Variants in PBX3 observed in about 807,000 individuals in gnomAD.
The protein encoded by PBX3 is pre-B-cell leukemia transcription factor 3.
Under a neutral mutation model 48.5 loss-of-function variants are expected in PBX3, and 14 were observed. The observed-to-expected ratio is 0.29, with a 90% CI of 0.19 to 0.45. The LOEUF is 0.45. Among genes scored for constraint, PBX3 ranks in the 20% least tolerant of loss-of-function variants. PBX3 has a pLI of 1.00. For missense variants in PBX3, 386 were observed against 546.7 expected, an observed-to-expected ratio of 0.71 and a Z score of 2.93; for synonymous variants, 210 against 200.3, an observed-to-expected ratio of 1.05 and a Z score of -0.41.
intron 2 of PBX3, among the ~76,000 whole-genome samples, chr9:125,882,398 A>G (rs945618989): frequency 6.6e-6 from 1 of 152,250 alleles, no homozygotes; most frequent in African/African-American, 2.4e-5. Context: ...ATCTCTCATT[A>G]CTTGAGACGG....
intron 5 of PBX3, among the ~76,000 whole-genome samples, chr9:125,952,551 T>C (rs901690499): frequency 2.6e-5 from 4 of 152,370 alleles, no homozygotes; most frequent in South Asian, 2.1e-4. Context: ...ATGGAGTTTT[T>C]CTTAAATGCA....
chr9:125,868,198 T>C (rs1235668931), intron 2 of PBX3, among the ~76,000 whole-genome samples: 1 of 152,112 alleles, frequency 6.6e-6, no homozygotes, highest in Non-Finnish European at 1.5e-5. Context: ...TTTTACATGC[T>C]TCCTGTGTTC....
chr9:125,900,412 G>T (rs777695495), intron 2 of PBX3, among the ~76,000 whole-genome samples: 14 of 151,574 alleles, frequency 9.2e-5, no homozygotes, highest in Non-Finnish European at 1.6e-4. Flanking sequence ...TGCATCTTTT[G>T]CTTGGGGTCT....
intron 2 of PBX3, among the ~76,000 whole-genome samples, chr9:125,790,888 A>G (rs10819070): frequency 0.02 from 3,052 of 150,310 alleles, 172 homozygotes; most frequent in East Asian, 0.17. Flanking sequence ...TATTACCACC[A>G]TTGTTAACAA....
At chr9:125,947,556 G>A (rs1842092839) in intron 5 of PBX3, among the ~76,000 whole-genome samples, 1 of 151,942 alleles carries the variant, frequency 6.6e-6, no homozygotes, top group Admixed American at 6.6e-5. Flanking sequence ...CAGAGACATA[G>A]AATAATTTTT....
rs758814146 is a variant in PBX3, at chr9:125,935,451, T to C, written c.708-21T>C. The C allele has an allele frequency of 9.9e-6, 16 of 1,611,784 alleles. No homozygotes were observed. The East Asian group carries it at 3.1e-4, about 31-fold the overall frequency. On this transcript the variant is annotated intron_variant, in intron 4 of 8. Transcript: ENST00000373489. ...TAATGCTGATTGTAACTGCAATTAT[T>C]TTCTTTCACTCTTGTCATAGACGGA...
At chr9:125,900,014 AT>A (rs1328972293) in intron 2 of PBX3, among the ~76,000 whole-genome samples, 3 of 151,726 alleles carry the variant, frequency 2.0e-5, no homozygotes, top group African/African-American at 7.3e-5. Flanking sequence ...CTTTTGCTTA[AT>A]GTATTATTCA....
intron 2 of PBX3, among the ~76,000 whole-genome samples, chr9:125,872,234 T>A (rs1003145699): frequency 2.0e-5 from 3 of 152,196 alleles, no homozygotes; most frequent in African/African-American, 7.2e-5. Context: ...GAAATAAATC[T>A]ACATATATCT....
intron 2 of PBX3, among the ~76,000 whole-genome samples, chr9:125,850,778 A>G (rs1839556847): frequency 6.6e-6 from 1 of 152,110 alleles, no homozygotes; most frequent in African/African-American, 2.4e-5. Context: ...GAAAATCAAC[A>G]TTTTAAATCA....
At chr9:125,859,738 G>T (rs892861236) in intron 2 of PBX3, among the ~76,000 whole-genome samples, 1 of 152,144 alleles carries the variant, frequency 6.6e-6, no homozygotes, top group African/African-American at 2.4e-5. Flanking sequence ...GACAGTATTG[G>T]GTATTTGGTT....
At chr9:125,853,262 C>T (rs1259349653) in intron 2 of PBX3, among the ~76,000 whole-genome samples, 4 of 152,104 alleles carry the variant, frequency 2.6e-5, no homozygotes, top group African/African-American at 9.7e-5. Flanking sequence ...ACTGATTTAC[C>T]TCAAAATATA....
rs1840888333 is a variant in PBX3, at chr9:125,899,469, A to ATT, written c.275-16217_275-16216insTT. On this transcript the variant is annotated intron_variant, in intron 2 of 8. Transcript: ENST00000373489. ...TATATATATATAGAGAGAGAGAGAG[A>ATT]GAGAGAGAGAGAGAGAGAGCTCACC... is the stretch of plus-strand genomic sequence containing the variant. Among the ~76,000 whole-genome samples, 5 of 147,900 alleles carry ATT rather than the reference A, an allele frequency of 3.4e-5. 1 individual carries two copies. The Admixed American group carries it at 3.4e-4, about 10-fold the overall frequency.
At chr9:125,772,020 A>G (rs564496854) in intron 2 of PBX3, among the ~76,000 whole-genome samples, 1 of 152,178 alleles carries the variant, frequency 6.6e-6, no homozygotes, top group Non-Finnish European at 1.5e-5. Context: ...GGAGGTAGGT[A>G]GGTGGTAGAT....
Position 125,761,797 on chromosome 9 carries a change from G to C in PBX3, c.274+13174G>C, listed in dbSNP as rs562976723. On this transcript the variant is annotated intron_variant, in intron 2 of 8. Transcript: ENST00000373489. ...TCCCAGTATTGATCACCCTATAGAG[G>C]AATGAGACTGAAGTCTGGTAGTTAT... Among the ~76,000 whole-genome samples, 18 of 152,232 alleles carry C rather than the reference G, an allele frequency of 1.2e-4. No individual in the cohort carries two copies. The South Asian group carries it at 3.3e-3, about 28-fold the overall frequency.
intron 2 of PBX3, among the ~76,000 whole-genome samples, chr9:125,860,818 CA>C (rs1260100030): frequency 2.5e-4 from 35 of 142,286 alleles, no homozygotes; most frequent in African/African-American, 9.3e-4. Context: ...ACCCAGGAGG[CA>C]GAGGTTGCAG....
chr9:125,949,441 G>A (rs753035389), intron 5 of PBX3: 36 of 1,550,684 alleles, frequency 2.3e-5, no homozygotes, highest in Non-Finnish European at 2.9e-5. Context: ...AACTAGCGTG[G>A]TAAGTATTCA....
chr9:125,891,897 A>G (rs1840653907), intron 2 of PBX3, among the ~76,000 whole-genome samples: 1 of 152,120 alleles, frequency 6.6e-6, no homozygotes, highest in South Asian at 2.1e-4. Flanking sequence ...AATTAGGCCT[A>G]CCTGTTCAAT....
intron 2 of PBX3, among the ~76,000 whole-genome samples, chr9:125,811,488 A>G (rs1170463603): frequency 6.6e-6 from 1 of 152,140 alleles, no homozygotes; most frequent in African/African-American, 2.4e-5. Context: ...CGATGGTTTT[A>G]TAAGGAGTTT....
chr9:125,963,763 G>T (rs1248571858), intron 8 of PBX3, among the ~76,000 whole-genome samples: 2 of 152,068 alleles, frequency 1.3e-5, no homozygotes, highest in East Asian at 3.9e-4. Context: ...ACTTAGGAAG[G>T]AAATTAACTG....
Sources: gnomAD v4.1 joint callset for allele counts (sites outside exome capture counted in the v4.1 genomes callset) on GRCh38, gnomAD v4.1.1 for gene constraint, MANE v1.5 for transcripts, NCBI Gene and HGNC (gene_info 2026-07-23, HGNC 2026-07-21) for gene names.